Variants in USP32 observed in about 807,000 individuals in gnomAD.
USP32 encodes the protein ubiquitin carboxyl-terminal hydrolase 32.
A neutral mutation model predicts 204.8 loss-of-function variants in USP32; 59 were observed. That is an observed-to-expected ratio of 0.29 (90% confidence interval 0.23 to 0.36). USP32 has a LOEUF of 0.36. Among genes scored for constraint, USP32 ranks in the 10% least tolerant of loss-of-function variants. USP32 has a pLI of 1.00. For synonymous variants in USP32, 517 were observed against 678.4 expected (o/e 0.76, Z 3.70); for missense variants, 1,160 against 1,946.4 (o/e 0.60, Z 7.60).
At chr17:60,262,668 G>T (rs1293198399) in intron 9 of USP32, among the ~76,000 whole-genome samples, 1 of 151,984 alleles carries the variant, frequency 6.6e-6, no homozygotes, top group African/African-American at 2.4e-5. Flanking sequence ...TCCAATCCAG[G>T]TCTACAGCCT....
At chr17:60,198,562 C>A in intron 26 of USP32, 118 bp from the exon 27 acceptor site, 1 of 1,243,136 alleles carries the variant, frequency 8.0e-7, no homozygotes, top group Non-Finnish European at 1.1e-6. Flanking sequence ...CAGTCACTAT[C>A]ACATTCTTCT....
At chr17:60,208,913 A>T in intron 22 of USP32, 85 bp from the exon 23 acceptor site, 1 of 1,399,020 alleles carries the variant, frequency 7.1e-7, no homozygotes, top group Non-Finnish European at 9.4e-7. Flanking sequence ...AGTTAAATAT[A>T]TTGGATTTAA....
chr17:60,392,331 A>C, upstream of USP32: 8 of 292,920 alleles, frequency 2.7e-5, no homozygotes, highest in East Asian at 1.1e-4. Flanking sequence ...GCCCCTCCCC[A>C]AGCTAACCGC....
intron 2 of USP32, among the ~76,000 whole-genome samples, chr17:60,327,805 A>G (rs2088281488): frequency 6.6e-6 from 1 of 152,132 alleles, no homozygotes; most frequent in East Asian, 1.9e-4. Context: ...CCCTGCTCCA[A>G]TCTTGGAGCA....
intron 2 of USP32, among the ~76,000 whole-genome samples, chr17:60,330,468 CTTTCT>C (rs1567855992): frequency 6.6e-6 from 1 of 151,544 alleles, no homozygotes; most frequent in African/African-American, 2.4e-5. Context: ...TTCCTTCCTT[CTTTCT>C]TTTCTTTTCC....
rs2084874693 is a variant in USP32 at position 60,208,113 on chromosome 17, A to G, written c.2871T>C (p.Cys957=). The G allele has an allele frequency of 6.2e-7, 1 of 1,600,780 alleles. No individual in the cohort carries two copies. The highest frequency in any genetic ancestry group is 2.2e-5 in the East Asian group (1 of 44,638). Residue 957 remains cysteine (C), a synonymous_variant, in exon 24 of 34, where the codon TGT becomes TGC. Transcript: ENST00000300896. ...TGLKKQLSDL[C]GLNSEQILLA... ...GAAGGATTTGTTCTGAATTAAGTCC[A>G]CAGAGATCACTCAGCTGTTTTTTTA... is the stretch of plus-strand genomic sequence containing the variant.
chr17:60,390,765 T>G (rs1313705462), intron 1 of USP32, among the ~76,000 whole-genome samples: 1 of 152,194 alleles, frequency 6.6e-6, no homozygotes, highest in African/African-American at 2.4e-5. Context: ...TAAAACCACC[T>G]GGAGCATGGC....
intron 10 of USP32, among the ~76,000 whole-genome samples, chr17:60,253,108 A>C (rs2145714224): frequency 7.4e-6 from 1 of 135,892 alleles, no homozygotes; most frequent in Non-Finnish European, 1.5e-5. Flanking sequence ...ATGTTTATTC[A>C]TTATCACAAA....
In USP32 at chr17:60,207,040, A is replaced by T. The variant is rs762635910; in HGVS notation, c.3018T>A (p.Ala1006=). Residue 1006 remains alanine (A), a synonymous_variant, in exon 25 of 34, where the codon GCT becomes GCA. Coordinates refer to ENST00000300896, the MANE Select transcript of USP32 (RefSeq NM_032582.4). ...TCTTACCTGTCTGTGTTGGACTAGA[A>T]GCTGAAATTGGAGACACAGGGACAG... ...EIPVPVSPIS[A]SSPTQTDFSS... 6.2e-7 allele frequency: 1 copy of T among 1,612,956 alleles called. No homozygotes were observed. Among genetic ancestry groups the T allele is most frequent in the Non-Finnish European group, 8.5e-7 (1 of 1,179,216 alleles).
At chr17:60,417,568 C>T (rs1431147691) in intron 1 of USP32, among the ~76,000 whole-genome samples, 3 of 151,634 alleles carry the variant, frequency 2.0e-5, no homozygotes, top group Admixed American at 6.6e-5. Context: ...TTTCTCCTGC[C>T]TCAGCCTCCT....
intron 1 of USP32, among the ~76,000 whole-genome samples, chr17:60,371,594 A>C (rs1253583415): frequency 2.0e-5 from 3 of 152,060 alleles, no homozygotes; most frequent in Non-Finnish European, 4.4e-5. Flanking sequence ...TAAATGAAAC[A>C]CATGTATAAA....
intron 16 of USP32, among the ~76,000 whole-genome samples, chr17:60,218,882 C>T (rs890333477): frequency 1.8e-4 from 28 of 152,316 alleles, no homozygotes; most frequent in African/African-American, 6.7e-4. Context: ...GCATGAGCCA[C>T]TGTGCTCAGC....
At chr17:60,397,659 C>A (rs1207033603) in intron 1 of USP32, among the ~76,000 whole-genome samples, 2 of 152,088 alleles carry the variant, frequency 1.3e-5, no homozygotes, top group Non-Finnish European at 2.9e-5. Context: ...AGTCACCCCA[C>A]TACCTATTAG....
At chr17:60,249,768 T>G in intron 11 of USP32, 1 of 700,878 alleles carries the variant, frequency 1.4e-6, no homozygotes, top group Non-Finnish European at 2.6e-6. Flanking sequence ...AATGGTTGTT[T>G]GACAATTTTG....
At chr17:60,369,439 A>G (rs1231327935) in intron 1 of USP32, among the ~76,000 whole-genome samples, 1 of 151,722 alleles carries the variant, frequency 6.6e-6, no homozygotes, top group African/African-American at 2.4e-5. Context: ...AAAAAAAAAA[A>G]AAAAAATCCT....
At chr17:60,255,523 C>T (rs2086279809) in intron 9 of USP32, among the ~76,000 whole-genome samples, 1 of 152,152 alleles carries the variant, frequency 6.6e-6, no homozygotes, top group South Asian at 2.1e-4. Flanking sequence ...TGGTCTTGAA[C>T]TCCTGACCTC....
intron 9 of USP32, among the ~76,000 whole-genome samples, chr17:60,263,016 A>G (rs888083451): frequency 6.6e-6 from 1 of 151,614 alleles, no homozygotes; most frequent in Non-Finnish European, 1.5e-5. Flanking sequence ...TGGTGTAATC[A>G]TGGCACACTG....
chr17:60,189,943 G>A (rs73990670), intron 29 of USP32, among the ~76,000 whole-genome samples: 2,797 of 152,300 alleles, frequency 0.018, 79 homozygotes, highest in African/African-American at 0.063. Context: ...GCCTGCTATA[G>A]TTTGGACATG....
chr17:60,414,334 G>A (rs2090043407), intron 1 of USP32, among the ~76,000 whole-genome samples: 1 of 149,880 alleles, frequency 6.7e-6, no homozygotes, highest in African/African-American at 2.5e-5. Context: ...CTGCACTCCA[G>A]CTTAGGTGAC....
Sources: allele counts gnomAD v4.1 joint callset (sites outside exome capture counted in the v4.1 genomes callset), GRCh38; gene constraint gnomAD v4.1.1; transcripts MANE v1.5; gene names NCBI Gene and HGNC (gene_info 2026-07-23, HGNC 2026-07-21).